Variants in PDE1C observed in about 807,000 individuals in gnomAD.
PDE1C encodes phosphodiesterase 1C.
A neutral mutation model predicts 93.1 loss-of-function variants in PDE1C; 62 were observed. The observed-to-expected ratio is 0.67, with a 90% CI of 0.54 to 0.82. The LOEUF (loss-of-function observed/expected upper bound fraction) is 0.82. PDE1C is among the 40% of genes least tolerant of loss of function. PDE1C has a pLI of 0.00. For synonymous variants in PDE1C, 325 were observed against 310.1 expected (o/e 1.05, Z -0.50); for missense variants, 742 against 884.6 (o/e 0.84, Z 2.04).
chr7:31,761,384 C>G (rs990637899), intron 17 of PDE1C, among the ~76,000 whole-genome samples: 4 of 152,094 alleles, frequency 2.6e-5, no homozygotes, highest in African/African-American at 9.7e-5. Flanking sequence ...AATCTTGCTT[C>G]CCTGTAAACA....
intron 3 of PDE1C, among the ~76,000 whole-genome samples, chr7:32,121,700 T>C (rs1231643017): frequency 6.6e-6 from 1 of 152,130 alleles, no homozygotes; most frequent in East Asian, 1.9e-4. Context: ...CAGGCCTGCC[T>C]TGCAAGAACT....
At chr7:31,891,591 T>C (rs1277936668) in intron 2 of PDE1C, among the ~76,000 whole-genome samples, 1 of 152,072 alleles carries the variant, frequency 6.6e-6, no homozygotes. Context: ...TCCCAAAAGG[T>C]TATATACTAT....
intron 2 of PDE1C, among the ~76,000 whole-genome samples, chr7:32,047,539 A>C (rs886254957): frequency 6.6e-6 from 1 of 152,174 alleles, no homozygotes; most frequent in African/African-American, 2.4e-5. Flanking sequence ...TTGGTCTTGG[A>C]AGAGATTAGT....
At chr7:31,900,649 A>C (rs920522966) in intron 2 of PDE1C, among the ~76,000 whole-genome samples, 2 of 151,796 alleles carry the variant, frequency 1.3e-5, no homozygotes, top group Non-Finnish European at 3.0e-5. Context: ...AATTTTATAC[A>C]TATTCATATA....
intron 2 of PDE1C, among the ~76,000 whole-genome samples, chr7:31,981,424 T>A (rs866386233): frequency 1.2e-4 from 19 of 152,330 alleles, no homozygotes; most frequent in African/African-American, 4.6e-4. Flanking sequence ...TCACTTCATA[T>A]ATTTTAATTA....
At chr7:31,892,407 C>T (rs543203598) in intron 2 of PDE1C, among the ~76,000 whole-genome samples, 2 of 152,224 alleles carry the variant, frequency 1.3e-5, no homozygotes, top group African/African-American at 2.4e-5. Context: ...CACACTAAAA[C>T]GGTGAGAGAA....
At chr7:32,374,250 G>GGAAGAAA (rs1350487867) in intron 1 of PDE1C, among the ~76,000 whole-genome samples, 22 of 57,884 alleles carry the variant, frequency 3.8e-4, no homozygotes, top group African/African-American at 1.2e-3. Context: ...AGGAAGGAAA[G>GGAAGAAA]GAAAGGAAGA....
intron 2 of PDE1C, among the ~76,000 whole-genome samples, chr7:31,912,691 A>AAT (rs1554407300): frequency 8.6e-5 from 13 of 151,876 alleles, no homozygotes; most frequent in Middle Eastern, 3.4e-3. Flanking sequence ...TGTCTCAAAA[A>AAT]ATATATATAT....
rs942070438 is a variant in PDE1C at position 32,334,707 on chromosome 7, T to G, written c.310+93115A>C. 8.4e-4 allele frequency among the ~76,000 whole-genome samples: 11 copies of G among 13,118 alleles called. 1 individual carries two copies. Among genetic ancestry groups the G allele is most frequent in the East Asian group, 0.056 (1 of 18 alleles). The allele number at this position is 13,118 out of a possible 152,430, so 8.6% of individuals were successfully genotyped here. ...TTAGGGAAAGGTCCTTAAAATATCT[T>G]TAAACAGCACAAAGGCTATGAAATA... On this transcript the variant is annotated intron_variant, in intron 1 of 1. Transcript: ENST00000672256.
Position 32,307,040 on chromosome 7 carries a change from G to A in PDE1C, c.311-97501C>T, listed in dbSNP as rs868626406. ...AACTCTTCTCACCTCTGACTTCCTGGAGAGGATTCAGACCTTCTGTGCTTC... is the reference window on the plus strand; with the variant it reads ...AACTCTTCTCACCTCTGACTTCCTGAAGAGGATTCAGACCTTCTGTGCTTC... On this transcript the variant is annotated intron_variant, in intron 1 of 1. Coordinates refer to the PDE1C transcript ENST00000672256. Among the ~76,000 whole-genome samples, 8 of 152,318 alleles carry A rather than the reference G, an allele frequency of 5.3e-5. 1 individual carries two copies. The Middle Eastern group carries it at 0.017, about 324-fold the overall frequency.
the PDE1C span, chr7:31,642,619 C>T: frequency 1.4e-6 from 2 of 1,457,566 alleles, no homozygotes; most frequent in African/African-American, 1.4e-5. Flanking sequence ...GAAAATCTCA[C>T]CTTAAACCTA....
chr7:31,621,608 A>G, the PDE1C span, among the ~76,000 whole-genome samples: 10 of 149,008 alleles, frequency 6.7e-5, no homozygotes, highest in East Asian at 3.9e-4. Flanking sequence ...TGAAGGAAGC[A>G]CTAAACATGG....
intron 16 of PDE1C, chr7:31,786,845 T>C (rs1783993923): frequency 6.6e-6 from 1 of 152,184 alleles, no homozygotes; most frequent in Admixed American, 6.5e-5. Context: ...GTAATTTCCA[T>C]CATCAAAGTC....
intron 6 of PDE1C, 50 bp downstream of exon 6, chr7:31,873,242 A>C (rs981331246): frequency 9.0e-7 from 1 of 1,105,068 alleles, no homozygotes; most frequent in Non-Finnish European, 1.4e-6. Context: ...ATATGAGGAT[A>C]AACATATGCA....
intron 3 of PDE1C, among the ~76,000 whole-genome samples, chr7:32,080,275 C>G (rs1796582076): frequency 6.6e-6 from 1 of 152,130 alleles, no homozygotes; most frequent in Non-Finnish European, 1.5e-5. Context: ...TCTTGTTCAC[C>G]ACTGTCCCCT....
chr7:32,252,427 C>T (rs2128876106), intron 1 of PDE1C, among the ~76,000 whole-genome samples: 1 of 152,178 alleles, frequency 6.6e-6, no homozygotes, highest in Admixed American at 6.5e-5. Context: ...AGGAGAAGAA[C>T]CAGGTGCAAG....
At chr7:31,695,590 A>G in the PDE1C span, 7 of 1,613,872 alleles carry the variant, frequency 4.3e-6, no homozygotes, top group South Asian at 2.2e-5. Context: ...GGAAAGATAC[A>G]CCGGCGCTGC....
At chr7:31,875,903 T>C (rs555141913) in intron 5 of PDE1C, among the ~76,000 whole-genome samples, 2 of 147,338 alleles carry the variant, frequency 1.4e-5, no homozygotes, top group African/African-American at 5.0e-5. Context: ...ACTATCTTAC[T>C]TAAATATCAT....
At chr7:31,825,700 TAAA>T (rs1382438376) in intron 12 of PDE1C, among the ~76,000 whole-genome samples, 1 of 151,952 alleles carries the variant, frequency 6.6e-6, no homozygotes, top group Non-Finnish European at 1.5e-5. Flanking sequence ...AAACAAAAGA[TAAA>T]GAAGGCTGGA....
Sources: allele counts gnomAD v4.1 joint callset (sites outside exome capture counted in the v4.1 genomes callset), GRCh38; gene constraint gnomAD v4.1.1; transcripts MANE v1.5; gene names NCBI Gene and HGNC (gene_info 2026-07-23, HGNC 2026-07-21).